WDR70: variants seen among roughly 807,000 people sequenced by gnomAD.
WDR70 encodes the protein WD repeat domain 70, also known as WD repeat-containing protein 70.
Under a neutral mutation model 88.6 loss-of-function variants are expected in WDR70, and 53 were observed. That is an observed-to-expected ratio of 0.60 (90% confidence interval 0.48 to 0.75). WDR70 has a LOEUF of 0.75. Among genes scored for constraint, WDR70 ranks in the 30% least tolerant of loss-of-function variants. The pLI is 0.00. For synonymous variants in WDR70, 280 were observed against 270.0 expected (o/e 1.04, Z -0.36); for missense variants, 610 against 823.2 (o/e 0.74, Z 3.17).
intron 9 of WDR70, among the ~76,000 whole-genome samples, chr5:37,601,694 C>T (rs1743888549): frequency 6.6e-6 from 1 of 152,008 alleles, no homozygotes; most frequent in East Asian, 1.9e-4. Flanking sequence ...GATTCATTCT[C>T]CTTACTTGTT....
chr5:37,749,764 A>C (rs1480003299), intron 17 of WDR70, among the ~76,000 whole-genome samples: 3 of 151,486 alleles, frequency 2.0e-5, no homozygotes, highest in African/African-American at 7.3e-5. Flanking sequence ...AGTGATTAGA[A>C]ATGACAGTTG....
At chr5:37,746,320 A>G (rs1340856727) in intron 17 of WDR70, among the ~76,000 whole-genome samples, 1 of 152,188 alleles carries the variant, frequency 6.6e-6, no homozygotes, top group Non-Finnish European at 1.5e-5. Flanking sequence ...CACATTAGAA[A>G]GCTAGAAAGA....
chr5:37,386,287 A>G (rs1488343634), intron 3 of WDR70, among the ~76,000 whole-genome samples: 6 of 152,234 alleles, frequency 3.9e-5, no homozygotes, highest in Non-Finnish European at 7.3e-5. Context: ...AGCATATAAT[A>G]CAACATGTTT....
intron 9 of WDR70, among the ~76,000 whole-genome samples, chr5:37,576,073 CCTAA>C (rs1246917580): frequency 2.0e-5 from 3 of 150,728 alleles, no homozygotes; most frequent in African/African-American, 4.9e-5. Flanking sequence ...TTCCTTCCTT[CCTAA>C]CTTCCTTCCT....
intron 10 of WDR70, among the ~76,000 whole-genome samples, chr5:37,678,492 G>T (rs1746307954): frequency 6.6e-6 from 1 of 152,060 alleles, no homozygotes; most frequent in Non-Finnish European, 1.5e-5. Flanking sequence ...CACTTATGAA[G>T]CTTAGTTTGG....
intron 10 of WDR70, among the ~76,000 whole-genome samples, chr5:37,633,099 ATGTT>A (rs1481753057): frequency 6.6e-6 from 1 of 152,130 alleles, no homozygotes; most frequent in East Asian, 1.9e-4. Context: ...CTTACCATCT[ATGTT>A]TGTATAAGTA....
chr5:37,511,765 A>G lies in WDR70; in HGVS notation c.841-4749A>G, dbSNP rs140117587. On this transcript the variant is annotated intron_variant, in intron 8 of 17. Transcript: ENST00000265107. Reference sequence around the variant, plus strand: ...CTTCCGCCTTTTCACTTTTGTAACTATCTTCTCCAACAGGGCTAAACCTTA... The same window carrying G: ...CTTCCGCCTTTTCACTTTTGTAACTGTCTTCTCCAACAGGGCTAAACCTTA... Among the ~76,000 whole-genome samples the G allele has an allele frequency of 7.9e-3, 1,202 of 152,244 alleles. 15 individuals carry two copies. The highest frequency in any genetic ancestry group is 0.027 in the African/African-American group (1,138 of 41,536).
chr5:37,623,222 T>C (rs1744564772), intron 10 of WDR70, among the ~76,000 whole-genome samples: 1 of 152,160 alleles, frequency 6.6e-6, no homozygotes, highest in South Asian at 2.1e-4. Context: ...CTAAAATTTG[T>C]CTTGATACAG....
chr5:37,543,534 G>C (rs959799520), intron 9 of WDR70, among the ~76,000 whole-genome samples: 2 of 152,032 alleles, frequency 1.3e-5, no homozygotes, highest in African/African-American at 4.8e-5. Context: ...GAGAGATTGA[G>C]AATACAGATA....
intron 10 of WDR70, among the ~76,000 whole-genome samples, chr5:37,670,907 A>G (rs1384200052): frequency 6.6e-6 from 1 of 152,228 alleles, no homozygotes; most frequent in Non-Finnish European, 1.5e-5. Flanking sequence ...TTGAATTTAT[A>G]TGGATTTGCA....
chr5:37,575,060 T>C (rs1369723327), intron 9 of WDR70, among the ~76,000 whole-genome samples: 2 of 152,204 alleles, frequency 1.3e-5, no homozygotes, highest in Non-Finnish European at 2.9e-5. Flanking sequence ...GGGCAAGGGC[T>C]TTAACTGTCT....
chr5:37,695,093 C>T (rs1014182202), intron 10 of WDR70, among the ~76,000 whole-genome samples: 1 of 152,060 alleles, frequency 6.6e-6, no homozygotes, highest in Non-Finnish European at 1.5e-5. Context: ...TGTGGGGATG[C>T]CTCAGGAAAC....
intron 10 of WDR70, among the ~76,000 whole-genome samples, chr5:37,621,145 A>G (rs544354749): frequency 6.6e-6 from 1 of 152,246 alleles, no homozygotes; most frequent in South Asian, 2.1e-4. Flanking sequence ...CTGCCTCTAG[A>G]AATCTCATCT....
At chr5:37,479,364 TTG>T (rs1464896531) in intron 7 of WDR70, 10 of 31,614 alleles carry the variant, frequency 3.2e-4, no homozygotes, top group Non-Finnish European at 8.1e-4. Context: ...TTGGTGGTGG[TTG>T]TTTTTTTTTT....
rs1205156295 is a variant in WDR70 at position 37,466,684 on chromosome 5, C to G, written c.687-13150C>G. Among the ~76,000 whole-genome samples, 24 of 113,708 alleles carry G rather than the reference C, an allele frequency of 2.1e-4. No individual in the cohort carries two copies. In the South Asian group the frequency reaches 2.2e-3, roughly 10 times the overall value. The allele number at this position is 113,708 out of a possible 152,430, so 74.6% of individuals were successfully genotyped here. A position where few individuals can be genotyped will look rare whatever the true frequency, so the allele number is the denominator to read the frequency against. ...TGGCGCCACTGCACTCCAGCCTGGG[C>G]GACAGAGCGAGACTCCATCTCAAAA... On this transcript the variant is annotated intron_variant, in intron 7 of 17. Coordinates refer to ENST00000265107, the MANE Select transcript of WDR70 (RefSeq NM_018034.4).
rs567376402 is a variant in WDR70 at position 37,610,222 on chromosome 5, T to C, written c.1092+4984T>C. Among the ~76,000 whole-genome samples, 4 of 147,028 alleles carry C rather than the reference T, an allele frequency of 2.7e-5. No homozygotes were observed. The East Asian group carries it at 8.0e-4, about 30-fold the overall frequency. Reference sequence around the variant, plus strand: ...CGGAGGTTGCAGTGAGCCGAGATTGTGCCACTGCGCTCCAGCCTGGGCGAC... The same window carrying C: ...CGGAGGTTGCAGTGAGCCGAGATTGCGCCACTGCGCTCCAGCCTGGGCGAC... On this transcript the variant is annotated intron_variant, in intron 10 of 17. Transcript: ENST00000265107.
At chr5:37,658,284 G>A (rs1745610648) in intron 10 of WDR70, among the ~76,000 whole-genome samples, 1 of 151,904 alleles carries the variant, frequency 6.6e-6, no homozygotes, top group South Asian at 2.1e-4. Context: ...TCAAAGGTCA[G>A]CTGTAGATGC....
intron 17 of WDR70, among the ~76,000 whole-genome samples, chr5:37,742,264 T>G (rs910372532): frequency 2.3e-5 from 2 of 87,064 alleles, no homozygotes; most frequent in African/African-American, 1.2e-4. Flanking sequence ...TTATCTGTTG[T>G]TTTTTTTTTT....
chr5:37,393,191 A>C (rs1466796162), intron 4 of WDR70, among the ~76,000 whole-genome samples: 1 of 151,378 alleles, frequency 6.6e-6, no homozygotes, highest in African/African-American at 2.4e-5. Context: ...ACAGGTGCCC[A>C]CCACCATGCC....
Sources: allele counts gnomAD v4.1 joint callset (sites outside exome capture counted in the v4.1 genomes callset), GRCh38; gene constraint gnomAD v4.1.1; transcripts MANE v1.5; gene names NCBI Gene and HGNC (gene_info 2026-07-23, HGNC 2026-07-21).